Variants in CHRM3 observed in about 807,000 individuals in gnomAD.
CHRM3 encodes the protein muscarinic acetylcholine receptor M3.
A neutral mutation model predicts 41.8 loss-of-function variants in CHRM3; 11 were observed. The ratio of observed to expected loss-of-function variants is 0.26; its 90% CI spans 0.17 to 0.44. The LOEUF is 0.44. CHRM3 is among the 20% of genes least tolerant of loss of function. CHRM3 has a pLI of 1.00. For missense variants in CHRM3, 571 were observed against 745.4 expected (o/e 0.77, Z 2.72); for synonymous variants, 297 against 301.4 (o/e 0.99, Z 0.15).
intron 6 of CHRM3, among the ~76,000 whole-genome samples, chr1:239,843,447 C>CTTTTTTTTTT (rs34901177): frequency 2.5e-5 from 2 of 81,220 alleles, no homozygotes; most frequent in African/African-American, 4.6e-5. Flanking sequence ...ACTCGCTTTC[C>CTTTTTTTTTT]TTTTTTTTTT....
intron 6 of CHRM3, among the ~76,000 whole-genome samples, chr1:239,856,799 G>A (rs1172604574): frequency 6.6e-6 from 1 of 152,112 alleles, no homozygotes; most frequent in Non-Finnish European, 1.5e-5. Flanking sequence ...GAGGAGGGAG[G>A]AAATGGAAAG....
At chr1:239,402,397 C>A (rs1660053724) in intron 1 of CHRM3, among the ~76,000 whole-genome samples, 1 of 152,216 alleles carries the variant, frequency 6.6e-6, no homozygotes, top group Admixed American at 6.5e-5. Context: ...TCTTTCCCAT[C>A]ATCTCCCCCT....
intron 3 of CHRM3, among the ~76,000 whole-genome samples, chr1:239,623,715 T>C (rs1270616453): frequency 1.5e-5 from 1 of 64,694 alleles, no homozygotes; most frequent in Non-Finnish European, 3.0e-5. Flanking sequence ...GATCTCATTG[T>C]TCAATTCCCA....
At chr1:239,404,382 AAG>A (rs1409439857) in intron 1 of CHRM3, among the ~76,000 whole-genome samples, 1 of 78,458 alleles carries the variant, frequency 1.3e-5, no homozygotes, top group African/African-American at 5.3e-5. Context: ...GAAAGAAAGA[AAG>A]AAAGAAAGAA....
At chr1:239,507,147 G>A (rs1031310175) in intron 2 of CHRM3, among the ~76,000 whole-genome samples, 2 of 152,162 alleles carry the variant, frequency 1.3e-5, no homozygotes, top group Admixed American at 6.5e-5. Flanking sequence ...GACTTTGGGG[G>A]ACTGTTCAGA....
intron 2 of CHRM3, among the ~76,000 whole-genome samples, chr1:239,544,593 A>G (rs1659108357): frequency 6.6e-6 from 1 of 152,232 alleles, no homozygotes; most frequent in East Asian, 1.9e-4. Context: ...AAGGATTGAC[A>G]AAACAAAAGT....
chr1:239,600,064 A>G (rs1024526949), intron 3 of CHRM3, among the ~76,000 whole-genome samples: 1 of 152,134 alleles, frequency 6.6e-6, no homozygotes, highest in Non-Finnish European at 1.5e-5. Context: ...AGTGCCACCC[A>G]TCACCAAAAC....
At chr1:239,597,838 C>CA (rs59984075) in intron 3 of CHRM3, among the ~76,000 whole-genome samples, 85 of 83,304 alleles carry the variant, frequency 1.0e-3, no homozygotes, top group South Asian at 1.3e-3. Flanking sequence ...CTGAGGTGGT[C>CA]AAAAAAAAAA....
chr1:239,863,871 T>A (rs1337732245), intron 6 of CHRM3, among the ~76,000 whole-genome samples: 1 of 152,002 alleles, frequency 6.6e-6, no homozygotes, highest in African/African-American at 2.4e-5. Flanking sequence ...ATCCTAAGTA[T>A]AACAGTAACA....
intron 3 of CHRM3, among the ~76,000 whole-genome samples, chr1:239,556,410 G>A (rs1660360509): frequency 1.3e-5 from 2 of 152,064 alleles, no homozygotes; most frequent in Admixed American, 1.3e-4. Context: ...TTGACAATGG[G>A]ACAACACAGT....
chr1:239,640,752 T>C (rs932079468), intron 4 of CHRM3, among the ~76,000 whole-genome samples: 5 of 150,790 alleles, frequency 3.3e-5, no homozygotes, highest in Admixed American at 6.6e-5. Flanking sequence ...GGGCTTTTTG[T>C]GTCTCTATTT....
chr1:239,867,756 C>A (rs1165765227), intron 6 of CHRM3, among the ~76,000 whole-genome samples: 1 of 151,360 alleles, frequency 6.6e-6, no homozygotes, highest in Non-Finnish European at 1.5e-5. Context: ...TAGAAAAATA[C>A]AAGGTATTCT....
chr1:239,787,759 C>T (rs1040781910), intron 5 of CHRM3, among the ~76,000 whole-genome samples: 7 of 152,042 alleles, frequency 4.6e-5, no homozygotes, highest in Admixed American at 3.3e-4. Context: ...ACAAGTTGTC[C>T]GATCTTAGGC....
intron 6 of CHRM3, among the ~76,000 whole-genome samples, chr1:239,905,726 T>C (rs1239852422): frequency 6.6e-6 from 1 of 152,116 alleles, no homozygotes; most frequent in Non-Finnish European, 1.5e-5. Context: ...AATAAGATAA[T>C]GCATATGATG....
intron 6 of CHRM3, among the ~76,000 whole-genome samples, chr1:239,881,140 G>C (rs112547545): frequency 0.077 from 11,613 of 151,690 alleles, 497 homozygotes; most frequent in Non-Finnish European, 0.096. Context: ...AAAATTAGCC[G>C]GGCGTGGTGG....
intron 1 of CHRM3, among the ~76,000 whole-genome samples, chr1:239,423,219 T>C (rs1662097248): frequency 6.6e-6 from 1 of 152,208 alleles, no homozygotes; most frequent in East Asian, 1.9e-4. Flanking sequence ...TGATCTCTTT[T>C]AGAACATGCA....
At chr1:239,755,713 C>T (rs1666185972) in intron 5 of CHRM3, among the ~76,000 whole-genome samples, 1 of 152,176 alleles carries the variant, frequency 6.6e-6, no homozygotes, top group African/African-American at 2.4e-5. Flanking sequence ...ACTGTTGGTT[C>T]CCAGCTCTTG....
intron 3 of CHRM3, among the ~76,000 whole-genome samples, chr1:239,630,858 C>T (rs1669735512): frequency 8.4e-6 from 1 of 119,568 alleles, no homozygotes; most frequent in Non-Finnish European, 1.8e-5. Flanking sequence ...TAGCTCCAGC[C>T]CTTCCTTCCA....
chr1:239,713,785 C>A (rs1662057504), intron 5 of CHRM3, among the ~76,000 whole-genome samples: 1 of 152,158 alleles, frequency 6.6e-6, no homozygotes, highest in African/African-American at 2.4e-5. Flanking sequence ...TACTCTCTTT[C>A]ACTAACAAAC....
Sources: gnomAD v4.1 joint callset for allele counts (sites outside exome capture counted in the v4.1 genomes callset) on GRCh38, gnomAD v4.1.1 for gene constraint, MANE v1.5 for transcripts, NCBI Gene and HGNC (gene_info 2026-07-23, HGNC 2026-07-21) for gene names.